The following STS variants were observed in gnomAD, a reference collection of about 807,000 sequenced individuals.
The protein encoded by STS is steryl-sulfatase.
STS carries 7 observed loss-of-function variants against 26.8 expected under a neutral mutation model. The ratio of observed to expected loss-of-function variants is 0.26; its 90% CI spans 0.15 to 0.49. STS has a LOEUF of 0.49. Ranked by LOEUF, STS falls within the 20% of genes least tolerant of loss-of-function variation. STS has a pLI of 0.98. For missense variants in STS, 434 were observed against 465.6 expected (o/e 0.93, Z 0.63); for synonymous variants, 199 against 189.4 (o/e 1.05, Z -0.42).
intron 2 of STS, among the ~76,000 whole-genome samples, chrX:7,228,994 T>C (rs1921937939): frequency 8.9e-6 from 1 of 112,239 alleles, no homozygotes. Flanking sequence ...GCCACTGAAA[T>C]TCCCCATCTC....
At chrX:7,220,516 C>T (rs778144490) in intron 2 of STS, among the ~76,000 whole-genome samples, 3 of 107,757 alleles carry the variant, frequency 2.8e-5, no homozygotes, top group South Asian at 4.2e-4. Context: ...GAAATGTTAC[C>T]GATTCCTAAG....
chrX:7,321,412 AC>A lies in STS; in HGVS notation c.1082-3923del, dbSNP rs777177537. 7.1e-5 allele frequency among the ~76,000 whole-genome samples: 8 copies of A among 112,017 alleles called. No homozygotes were observed. The South Asian group carries it at 3.0e-3, about 42-fold the overall frequency. On this transcript the variant is annotated intron_variant, in intron 8 of 10. Transcript: ENST00000674429. ...ACCTATATAACAAACCTGCACATGT[AC>A]CCCTGAACCTAAAATAAATAAAAGT...
intron 6 of STS, among the ~76,000 whole-genome samples, chrX:7,270,024 C>T (rs754389390): frequency 8.9e-6 from 1 of 111,934 alleles, no homozygotes; most frequent in Non-Finnish European, 1.9e-5. Context: ...TCACTCCTGC[C>T]TCTATAGAAT....
chrX:7,151,528 T>G (rs1214427902), intron 1 of STS, among the ~76,000 whole-genome samples: 3 of 112,075 alleles, frequency 2.7e-5, no homozygotes, highest in African/African-American at 9.7e-5. Context: ...GCACTGAATA[T>G]TCTCACCCCT....
intron 1 of STS, among the ~76,000 whole-genome samples, chrX:7,181,552 A>C (rs761348780): frequency 8.9e-6 from 1 of 112,053 alleles, no homozygotes; most frequent in African/African-American, 3.2e-5. Context: ...GTGCTGGTCC[A>C]GGTCTCACAG....
intron 7 of STS, among the ~76,000 whole-genome samples, chrX:7,301,851 T>C (rs1925981521): frequency 8.9e-6 from 1 of 112,201 alleles, no homozygotes; most frequent in Non-Finnish European, 1.9e-5. Context: ...CTTAGAAATA[T>C]CTTAAGATCC....
chrX:7,185,153 C>A (rs1933749661), intron 1 of STS, among the ~76,000 whole-genome samples: 1 of 111,838 alleles, frequency 8.9e-6, no homozygotes, highest in Non-Finnish European at 1.9e-5. Context: ...AGACTTCTCC[C>A]ATTGCCGTCT....
At chrX:7,257,622 G>A (rs1307268223) in intron 5 of STS, 34 bp downstream of exon 5, 2 of 1,209,364 alleles carry the variant, frequency 1.7e-6, no homozygotes, top group Non-Finnish European at 1.1e-6. Flanking sequence ...ACCATCTATA[G>A]GTATGGGAAT....
intron 1 of STS, among the ~76,000 whole-genome samples, chrX:7,160,570 G>A (rs1933220746): frequency 8.9e-6 from 1 of 112,008 alleles, no homozygotes; most frequent in Non-Finnish European, 1.9e-5. Context: ...TGGATTTTGT[G>A]CTATAGTTTA....
chrX:7,272,464 C>T (rs1296641357), intron 6 of STS, among the ~76,000 whole-genome samples: 15 of 111,016 alleles, frequency 1.4e-4, no homozygotes, highest in Admixed American at 1.2e-3. Flanking sequence ...TTCAAAGTAA[C>T]GAGATTTAGG....
At chrX:7,209,010 A>G (rs2147036603) in intron 2 of STS, among the ~76,000 whole-genome samples, 1 of 111,661 alleles carries the variant, frequency 9.0e-6, no homozygotes, top group African/African-American at 3.3e-5. Flanking sequence ...CAGTGGGCCC[A>G]CCTGGCTAAT....
rs188363931 is a variant in STS at position 7,202,232 on chromosome X, A to G, written c.-5+11224A>G. ...TAAGGTATATTGACTTTATATCAGT[A>G]TATGATATGATGGTTTGTGTTTTCC... is the stretch of plus-strand genomic sequence containing the variant. On this transcript the variant is annotated intron_variant, in intron 2 of 10. Coordinates refer to ENST00000674429, the MANE Select transcript of STS (RefSeq NM_001320752.2). Among the ~76,000 whole-genome samples the G allele has an allele frequency of 2.7e-5, 3 of 111,871 alleles. No homozygotes were observed. In the Admixed American group the frequency reaches 2.9e-4, roughly 11 times the overall value.
intron 9 of STS, among the ~76,000 whole-genome samples, chrX:7,332,112 C>T (rs752259827): frequency 9.2e-6 from 1 of 109,085 alleles, no homozygotes; most frequent in Admixed American, 9.8e-5. Context: ...TGGCCAAGGC[C>T]GGAGGAGAGC....
At chrX:7,208,470 G>A (rs1412306853) in intron 2 of STS, among the ~76,000 whole-genome samples, 3 of 111,618 alleles carry the variant, frequency 2.7e-5, no homozygotes, top group African/African-American at 9.8e-5. Flanking sequence ...AAGTAGTTAT[G>A]AAAAAATGGT....
intron 10 of STS, among the ~76,000 whole-genome samples, chrX:7,338,902 A>C (rs1386581743): frequency 1.8e-5 from 2 of 111,485 alleles, no homozygotes; most frequent in Admixed American, 1.9e-4. Context: ...TAATTAAATA[A>C]AATTACAGCA....
At chrX:7,155,643 AATATT>A (rs757522729) in intron 1 of STS, among the ~76,000 whole-genome samples, 1 of 111,972 alleles carries the variant, frequency 8.9e-6, no homozygotes, top group East Asian at 2.8e-4. Flanking sequence ...GTATATGTTA[AATATT>A]ATATTACAAA....
intron 7 of STS, among the ~76,000 whole-genome samples, chrX:7,276,579 G>A (rs774853568): frequency 1.5e-4 from 17 of 112,570 alleles, no homozygotes; most frequent in Non-Finnish European, 2.4e-4. Flanking sequence ...ATTCATGGAC[G>A]AAAAGAGACA....
chrX:7,252,157 C>A, intron 2 of STS: 2 of 291,354 alleles, frequency 6.9e-6, no homozygotes, highest in Non-Finnish European at 9.2e-6. Flanking sequence ...AATTTCTCCC[C>A]AGGCAGATGA....
intron 6 of STS, among the ~76,000 whole-genome samples, chrX:7,263,396 T>C (rs5934833): frequency 1.9e-4 from 21 of 112,953 alleles, no homozygotes; most frequent in Non-Finnish European, 3.2e-4. Context: ...ACTGTATTTT[T>C]TCCTGTACCT....
Sources: allele counts gnomAD v4.1 joint callset (sites outside exome capture counted in the v4.1 genomes callset), GRCh38; gene constraint gnomAD v4.1.1; transcripts MANE v1.5; gene names NCBI Gene and HGNC (gene_info 2026-07-23, HGNC 2026-07-21).